The following CSTF3 variants were observed in gnomAD, a reference collection of about 807,000 sequenced individuals.
CSTF3 encodes the protein CF-1 77 kDa subunit.
CSTF3 carries 29 observed loss-of-function variants against 105.8 expected under a neutral mutation model. The ratio of observed to expected loss-of-function variants is 0.27; its 90% CI spans 0.20 to 0.37. The LOEUF is 0.37. Ranked by LOEUF, CSTF3 falls within the 10% of genes least tolerant of loss-of-function variation. The probability of loss-of-function intolerance (pLI) is 1.00; values close to 1 mark genes in which losing one functional copy is unlikely to be tolerated. For missense variants in CSTF3, 357 were observed against 879.3 expected, an observed-to-expected ratio of 0.41 and a Z score of 7.51; for synonymous variants, 252 against 281.9, an observed-to-expected ratio of 0.89 and a Z score of 1.06.
chr11:33,122,914 CAAAAAAAAAAA>C (rs10600978), intron 3 of CSTF3, among the ~76,000 whole-genome samples: 4 of 83,840 alleles, frequency 4.8e-5, no homozygotes, highest in Admixed American at 1.4e-4. Flanking sequence ...TATCCTGTCT[CAAAAAAAAAAA>C]AAAAAAAAAG....
At chr11:33,124,956 A>C (rs994085466) in intron 3 of CSTF3, among the ~76,000 whole-genome samples, 1 of 152,140 alleles carries the variant, frequency 6.6e-6, no homozygotes, top group African/African-American at 2.4e-5. Flanking sequence ...AAGAAAAAAA[A>C]CTTTAGTTTT....
chr11:33,107,238 G>A (rs931093443), intron 5 of CSTF3, among the ~76,000 whole-genome samples: 39 of 152,116 alleles, frequency 2.6e-4, no homozygotes, highest in Admixed American at 1.2e-3. Flanking sequence ...GATCACTTGA[G>A]CCCAAGAGGT....
chr11:33,088,427 C>G (rs569586957), intron 17 of CSTF3, among the ~76,000 whole-genome samples: 232 of 151,392 alleles, frequency 1.5e-3, no homozygotes, highest in Non-Finnish European at 2.9e-3. Context: ...ATTACAGATG[C>G]CCGCCACCAA....
chr11:33,160,094 A>C (rs1398833600), intron 1 of CSTF3, among the ~76,000 whole-genome samples: 1 of 151,770 alleles, frequency 6.6e-6, no homozygotes, highest in African/African-American at 2.4e-5. Flanking sequence ...CTTCACTTTC[A>C]GATAACAAAT....
intron 1 of CSTF3, among the ~76,000 whole-genome samples, chr11:33,150,250 G>GAAAAGAA (rs376644366): frequency 6.9e-6 from 1 of 144,684 alleles, no homozygotes; most frequent in Non-Finnish European, 1.5e-5. Flanking sequence ...GAAAAGAAAA[G>GAAAAGAA]AAAAGAAAAC....
intron 17 of CSTF3, among the ~76,000 whole-genome samples, chr11:33,088,628 T>C (rs1590260608): frequency 6.6e-6 from 1 of 151,960 alleles, no homozygotes. Flanking sequence ...ATTTTATTTT[T>C]TTAAGACAGG....
chr11:33,145,201 G>C (rs1348937203), intron 1 of CSTF3, among the ~76,000 whole-genome samples: 1 of 151,972 alleles, frequency 6.6e-6, no homozygotes, highest in Admixed American at 6.6e-5. Flanking sequence ...GGGTTGGTGG[G>C]TGGGCAGGAG....
chr11:33,141,464 C>T (rs1855709564), intron 3 of CSTF3: 1 of 1,302,580 alleles, frequency 7.7e-7, no homozygotes. Flanking sequence ...TGTTGCAACT[C>T]CAAAATGCAA....
intron 3 of CSTF3, among the ~76,000 whole-genome samples, chr11:33,118,759 A>C (rs970485749): frequency 1.3e-5 from 2 of 148,590 alleles, no homozygotes; most frequent in Non-Finnish European, 3.0e-5. Context: ...AAAAAAAAAA[A>C]CAAAAAATGA....
chr11:33,087,408 C>G (rs1298864211), intron 17 of CSTF3, among the ~76,000 whole-genome samples: 1 of 152,140 alleles, frequency 6.6e-6, no homozygotes, highest in East Asian at 1.9e-4. Context: ...ATTTGTAGGA[C>G]AGATACAAGC....
At chr11:33,146,554 A>G (rs1277030541) in intron 1 of CSTF3, among the ~76,000 whole-genome samples, 2 of 151,446 alleles carry the variant, frequency 1.3e-5, no homozygotes, top group Admixed American at 6.6e-5. Flanking sequence ...CCCTGTCTCT[A>G]TTTGTTAAAA....
chr11:33,123,093 A>G (rs542165326), intron 3 of CSTF3, among the ~76,000 whole-genome samples: 1 of 152,148 alleles, frequency 6.6e-6, no homozygotes, highest in Non-Finnish European at 1.5e-5. Context: ...ACATTATTTA[A>G]ATGTTTTATC....
chr11:33,130,554 T>C (rs1855588376), intron 3 of CSTF3, among the ~76,000 whole-genome samples: 1 of 152,168 alleles, frequency 6.6e-6, no homozygotes, highest in Non-Finnish European at 1.5e-5. Context: ...CTACACACCT[T>C]TGAAAAGTAT....
intron 3 of CSTF3, chr11:33,134,514 C>T (rs1376546088): frequency 6.6e-6 from 1 of 152,164 alleles, no homozygotes; most frequent in East Asian, 1.9e-4. Context: ...ATTTTGCTGA[C>T]AATCTTCCCT....
At chr11:33,098,915 A>G (rs796275649) in intron 12 of CSTF3, 119 bp downstream of exon 12, 9 of 1,413,518 alleles carry the variant, frequency 6.4e-6, no homozygotes, top group Middle Eastern at 1.8e-4. Context: ...ATAACTGTTC[A>G]TTTGGCATCA....
intron 15 of CSTF3, among the ~76,000 whole-genome samples, chr11:33,095,819 C>T (rs868803506): frequency 6.8e-6 from 1 of 146,042 alleles, no homozygotes; most frequent in African/African-American, 2.5e-5. Context: ...GACTCTGTCT[C>T]AAATAAATAA....
At chr11:33,129,612 A>T (rs555753474) in intron 3 of CSTF3, among the ~76,000 whole-genome samples, 24 of 152,204 alleles carry the variant, frequency 1.6e-4, no homozygotes, top group Non-Finnish European at 3.2e-4. Flanking sequence ...CATTCTACTA[A>T]AAGGCCACAA....
At chr11:33,129,929 A>C (rs1016773190) in intron 3 of CSTF3, among the ~76,000 whole-genome samples, 1 of 152,258 alleles carries the variant, frequency 6.6e-6, no homozygotes. Flanking sequence ...AGGTAGCTAC[A>C]TGAAGATACT....
At chr11:33,116,955 G>A (rs1231429991) in intron 3 of CSTF3, among the ~76,000 whole-genome samples, 1 of 151,760 alleles carries the variant, frequency 6.6e-6, no homozygotes, top group Non-Finnish European at 1.5e-5. Flanking sequence ...AATGAAAAGT[G>A]TTATGAGAGT....
Sources: allele counts gnomAD v4.1 joint callset (sites outside exome capture counted in the v4.1 genomes callset), GRCh38; gene constraint gnomAD v4.1.1; transcripts MANE v1.5; gene names NCBI Gene and HGNC (gene_info 2026-07-23, HGNC 2026-07-21).